The following HTATIP2 variants were observed in gnomAD, a reference collection of about 807,000 sequenced individuals.
HTATIP2 encodes HIV-1 Tat interactive protein 2, also known as protein HTATIP2.
Under a neutral mutation model 24.7 loss-of-function variants are expected in HTATIP2, and 26 were observed. That is an observed-to-expected ratio of 1.05 (90% CI 0.77 to 1.46). The LOEUF (loss-of-function observed/expected upper bound fraction) is 1.46. Among genes scored for constraint, HTATIP2 ranks in the 40% most tolerant of loss-of-function variants. HTATIP2 has a pLI of 0.00. For missense variants in HTATIP2, 284 were observed against 289.6 expected, an observed-to-expected ratio of 0.98 and a Z score of 0.14; for synonymous variants, 99 against 113.2, an observed-to-expected ratio of 0.87 and a Z score of 0.79.
At chr11:20,365,728 T>G (rs2064693725) in intron 1 of HTATIP2, among the ~76,000 whole-genome samples, 1 of 152,030 alleles carries the variant, frequency 6.6e-6, no homozygotes, top group South Asian at 2.1e-4. Flanking sequence ...TCCCAGAGCT[T>G]TGGGAGTCCG....
At chr11:20,375,346 C>T (rs1016245807) in intron 2 of HTATIP2, among the ~76,000 whole-genome samples, 2 of 151,856 alleles carry the variant, frequency 1.3e-5, no homozygotes, top group African/African-American at 2.4e-5. Context: ...CCAAGGTGGG[C>T]GGGTCATCTG....
At chr11:20,380,383 A>G (rs1289627756) in intron 3 of HTATIP2, among the ~76,000 whole-genome samples, 1 of 152,198 alleles carries the variant, frequency 6.6e-6, no homozygotes, top group East Asian at 1.9e-4. Flanking sequence ...TTAAAAAGCT[A>G]AGAAATGGGC....
intron 2 of HTATIP2, among the ~76,000 whole-genome samples, chr11:20,369,652 A>G (rs769131442): frequency 2.6e-5 from 4 of 151,964 alleles, no homozygotes; most frequent in African/African-American, 7.3e-5. Context: ...TTTACGTGGT[A>G]TTTTCCCTGA....
At chr11:20,369,924 T>C (rs2064753914) in intron 2 of HTATIP2, among the ~76,000 whole-genome samples, 1 of 152,220 alleles carries the variant, frequency 6.6e-6, no homozygotes. Flanking sequence ...TCCTCAGCTG[T>C]TTGGAAGACT....
chr11:20,366,094 CTTTTCTTTTTTTTT>C (rs2064701063), intron 1 of HTATIP2, among the ~76,000 whole-genome samples: 1 of 129,276 alleles, frequency 7.7e-6, no homozygotes, highest in Non-Finnish European at 1.6e-5. Context: ...CTTTTCTTTT[CTTTTCTTTTTTTTT>C]TTTTTTTTTT....
chr11:20,376,505 T>C, intron 2 of HTATIP2, 75 bp from the exon 3 acceptor site: 1 of 1,540,866 alleles, frequency 6.5e-7, no homozygotes, highest in Non-Finnish European at 9.0e-7. Flanking sequence ...CCCAGCCTGC[T>C]ACCCAAGCCA....
rs2064666985 is a variant in HTATIP2, at chr11:20,364,143, C to T, written c.-95C>T. On this transcript the variant is annotated 5_prime_UTR_variant, in exon 1 of 5. Transcript: ENST00000451739. ...CCGGACTGCGGAGAACAATATCCTC[C>T]TCCCTAACAGATAAACAGCCCTTGT... The T allele has an allele frequency of 1.0e-5, 15 of 1,491,012 alleles. No homozygotes were observed. The highest frequency in any genetic ancestry group is 1.3e-5 in the Non-Finnish European group (15 of 1,118,380). 92.4% of individuals were successfully genotyped at this position (1,491,012 alleles called of 1,614,324 possible). A position where few individuals can be genotyped will look rare whatever the true frequency, so the allele number is the denominator to read the frequency against.
At position 20,367,289 on chromosome 11, in the gene HTATIP2, A is replaced by G. The variant is rs2064721110; in HGVS notation, c.303+8A>G. On this transcript the variant is annotated splice_region_variant and intron_variant, in intron 2 of 4. Coordinates refer to ENST00000451739, the MANE Select transcript of HTATIP2 (RefSeq NM_001098522.2). The stretch of plus-strand genomic sequence containing the variant: ...AGAGGGAAAGCTGGGGCGGTAAGGA[A>G]GGCATATGCTCTTTTCCCTTTTTGC... 5.0e-6 allele frequency: 8 copies of G among 1,613,842 alleles called. No individual in the cohort carries two copies. Among genetic ancestry groups the G allele is most frequent in the Non-Finnish European group, 6.8e-6 (8 of 1,179,996 alleles).
intron 1 of HTATIP2, among the ~76,000 whole-genome samples, chr11:20,364,933 C>T (rs1157311948): frequency 6.6e-6 from 1 of 151,894 alleles, no homozygotes. Context: ...TGCCTGACTT[C>T]CCAGGCTTGT....
At chr11:20,367,090 G>A in intron 1 of HTATIP2, 84 bp from the exon 2 acceptor site, 1 of 1,500,650 alleles carries the variant, frequency 6.7e-7, no homozygotes, top group South Asian at 1.3e-5. Flanking sequence ...GTAATGTTCT[G>A]TAACTTAGTC....
At chr11:20,375,330 G>A (rs952899815) in intron 2 of HTATIP2, among the ~76,000 whole-genome samples, 30 of 152,248 alleles carry the variant, frequency 2.0e-4, no homozygotes, top group African/African-American at 7.2e-4. Flanking sequence ...CCAGCACTTT[G>A]GAAGGCCAAG....
chr11:20,377,489 A>G (rs960218043), intron 3 of HTATIP2, among the ~76,000 whole-genome samples: 14 of 152,342 alleles, frequency 9.2e-5, no homozygotes, highest in African/African-American at 3.4e-4. Context: ...AAAGGTTTCT[A>G]TTAACTTACC....
intron 3 of HTATIP2, among the ~76,000 whole-genome samples, chr11:20,381,815 AC>A (rs940780457): frequency 1.3e-5 from 2 of 152,246 alleles, no homozygotes; most frequent in Admixed American, 1.3e-4. Context: ...AACCAAAAAA[AC>A]GTTAGTGTCT....
At chr11:20,380,370 CT>C (rs540689106) in intron 3 of HTATIP2, among the ~76,000 whole-genome samples, 87 of 152,294 alleles carry the variant, frequency 5.7e-4, no homozygotes, top group Non-Finnish European at 1.1e-3. Context: ...CAAAACAAAT[CT>C]TTTAAAAAGC....
At chr11:20,371,732 G>T (rs547342605) in intron 2 of HTATIP2, among the ~76,000 whole-genome samples, 1 of 151,992 alleles carries the variant, frequency 6.6e-6, no homozygotes. Context: ...CATCGCACCC[G>T]GCCTGAAAAA....
Position 20,364,014 on chromosome 11 carries a change from GCGCACCCTC to G in HTATIP2, c.-222_-214del. The G allele has an allele frequency of 1.6e-6, 2 of 1,274,814 alleles. No homozygotes were observed. The highest frequency in any genetic ancestry group is 9.9e-7 in the Non-Finnish European group (1 of 1,010,504). 79.0% of individuals were successfully genotyped at this position (1,274,814 alleles called of 1,614,324 possible). A position where few individuals can be genotyped will look rare whatever the true frequency, so the allele number is the denominator to read the frequency against. On this transcript the variant is annotated 5_prime_UTR_variant, in exon 1 of 5. Coordinates refer to ENST00000451739, the MANE Select transcript of HTATIP2 (RefSeq NM_001098522.2). ...GATGCCAGCAGCTTGTGGCACCTGGGCGCACCCTCCAGCTCGGGCCCCTTCCGATGGGTC... is the reference window on the plus strand; with the variant it reads ...GATGCCAGCAGCTTGTGGCACCTGGGCAGCTCGGGCCCCTTCCGATGGGTC...
At chr11:20,381,570 C>A (rs1224666712) in intron 3 of HTATIP2, among the ~76,000 whole-genome samples, 1 of 151,998 alleles carries the variant, frequency 6.6e-6, no homozygotes, top group East Asian at 1.9e-4. Context: ...TACACACAGG[C>A]CAAGAAGGAG....
chr11:20,382,139 G>A, intron 3 of HTATIP2, 39 bp from the exon 4 acceptor site: 1 of 1,240,666 alleles, frequency 8.1e-7, no homozygotes. Context: ...AGGTGAGCTG[G>A]TCGCGATTAA....
intron 4 of HTATIP2, among the ~76,000 whole-genome samples, 188 bp from the exon 5 acceptor site, chr11:20,382,792 T>C (rs1848539539): frequency 1.3e-5 from 2 of 151,980 alleles, no homozygotes; most frequent in African/African-American, 4.8e-5. Flanking sequence ...ATTCCATCCT[T>C]AAGACCTCAT....
Sources: gnomAD v4.1 joint callset for allele counts (sites outside exome capture counted in the v4.1 genomes callset) on GRCh38, gnomAD v4.1.1 for gene constraint, MANE v1.5 for transcripts, NCBI Gene and HGNC (gene_info 2026-07-23, HGNC 2026-07-21) for gene names.